SLC4A10: variants seen among roughly 807,000 people sequenced by gnomAD.
SLC4A10 encodes the protein solute carrier family 4 member 10.
Under a neutral mutation model 137.7 loss-of-function variants are expected in SLC4A10, and 42 were observed. That is an observed-to-expected ratio of 0.30 (90% confidence interval 0.24 to 0.39). The LOEUF (loss-of-function observed/expected upper bound fraction) is 0.39. SLC4A10 is among the 10% of genes least tolerant of loss of function. SLC4A10 has a pLI of 1.00. For synonymous variants in SLC4A10, 474 were observed against 464.1 expected, an observed-to-expected ratio of 1.02 and a Z score of -0.27; for missense variants, 925 against 1,355.0, an observed-to-expected ratio of 0.68 and a Z score of 4.98.
chr2:161,780,794 G>A (rs374268595), intron 2 of SLC4A10, among the ~76,000 whole-genome samples: 15 of 151,862 alleles, frequency 9.9e-5, no homozygotes, highest in South Asian at 8.3e-4. Context: ...GCTTGAGCCT[G>A]GATAAAAATA....
rs577412884 is a variant in SLC4A10 at position 161,935,161 on chromosome 2, G to T, written c.1998-7631G>T. 2.0e-4 allele frequency among the ~76,000 whole-genome samples: 31 copies of T among 152,224 alleles called. No homozygotes were observed. In the South Asian group the frequency reaches 6.4e-3, roughly 32 times the overall value. ...AGAGACTGTCCTTTCCCCACTGTGT[G>T]CTCTCAGCATCTTTGTCGAAAATCA... On this transcript the variant is annotated intron_variant, in intron 15 of 26. Transcript: ENST00000446997.
At chr2:161,727,863 C>A (rs75110208) in intron 1 of SLC4A10, among the ~76,000 whole-genome samples, 3 of 151,794 alleles carry the variant, frequency 2.0e-5, no homozygotes, top group Non-Finnish European at 4.4e-5. Flanking sequence ...ACAAAAGGAC[C>A]GGTGTATGAT....
chr2:161,705,475 G>A lies in SLC4A10; in HGVS notation c.49-65498G>A, dbSNP rs2043557096. Among the ~76,000 whole-genome samples, 4 of 151,564 alleles carry A rather than the reference G, an allele frequency of 2.6e-5. No individual in the cohort carries two copies. In the Admixed American group the frequency reaches 2.6e-4, roughly 10 times the overall value. ...CTTTTATTATTTGAGATGTTCTTAT[G>A]TGCAGCAAGTCATCAAATAAATAGA... On this transcript the variant is annotated intron_variant, in intron 1 of 26. Transcript: ENST00000446997.
chr2:161,871,327 A>G (rs2061105257), intron 6 of SLC4A10, among the ~76,000 whole-genome samples: 1 of 151,826 alleles, frequency 6.6e-6, no homozygotes, highest in Non-Finnish European at 1.5e-5. Flanking sequence ...TAAAAGCAGT[A>G]TTTTGAGTCA....
At chr2:161,821,142 C>A (rs923103417) in intron 3 of SLC4A10, among the ~76,000 whole-genome samples, 3 of 152,052 alleles carry the variant, frequency 2.0e-5, no homozygotes, top group African/African-American at 7.2e-5. Flanking sequence ...TGTAGAAGTT[C>A]TTTACATGTT....
At position 161,914,612 on chromosome 2, in the gene SLC4A10, T is replaced by C. The variant is rs143233544; in HGVS notation, c.1997+8725T>C. Among the ~76,000 whole-genome samples, 61 of 152,252 alleles carry C rather than the reference T, an allele frequency of 4.0e-4. 1 individual carries two copies. The East Asian group carries it at 0.012, about 29-fold the overall frequency. ...GGCTAATTTTATCTCTTCCCCAAAT[T>C]TTGCATTTTGATATCTAAATGAATG... is the stretch of plus-strand genomic sequence containing the variant. On this transcript the variant is annotated intron_variant, in intron 15 of 26. Transcript: ENST00000446997.
chr2:161,972,488 T>C (rs1698719218), intron 23 of SLC4A10, among the ~76,000 whole-genome samples: 1 of 152,158 alleles, frequency 6.6e-6, no homozygotes, highest in South Asian at 2.1e-4. Context: ...AATGGTAATC[T>C]CCATTCACCT....
intron 1 of SLC4A10, among the ~76,000 whole-genome samples, chr2:161,693,095 G>C (rs2042161165): frequency 6.6e-6 from 1 of 152,024 alleles, no homozygotes; most frequent in African/African-American, 2.4e-5. Flanking sequence ...AAAAAGGCAA[G>C]TTCGAGTGTA....
At chr2:161,782,341 T>C (rs1028065254) in intron 2 of SLC4A10, among the ~76,000 whole-genome samples, 2 of 152,004 alleles carry the variant, frequency 1.3e-5, no homozygotes, top group East Asian at 3.9e-4. Context: ...TTTAAGAAGC[T>C]TTAGAATCTC....
At chr2:161,781,956 T>C (rs1430443104) in intron 2 of SLC4A10, among the ~76,000 whole-genome samples, 1 of 152,034 alleles carries the variant, frequency 6.6e-6, no homozygotes, top group Non-Finnish European at 1.5e-5. Flanking sequence ...GGTTTGTGCA[T>C]CCAATACCCC....
At chr2:161,722,979 T>C (rs572120497) in intron 1 of SLC4A10, among the ~76,000 whole-genome samples, 67 of 152,320 alleles carry the variant, frequency 4.4e-4, no homozygotes, top group African/African-American at 1.6e-3. Context: ...TGGACTGCAC[T>C]GTAGGGAATT....
chr2:161,869,313 C>T (rs2060964032), intron 6 of SLC4A10, among the ~76,000 whole-genome samples: 1 of 151,542 alleles, frequency 6.6e-6, no homozygotes, highest in East Asian at 1.9e-4. Context: ...AATAGTATTT[C>T]AGTTAATGAA....
At chr2:161,840,936 C>A (rs1313120405) in intron 4 of SLC4A10, among the ~76,000 whole-genome samples, 1 of 152,074 alleles carries the variant, frequency 6.6e-6, no homozygotes, top group African/African-American at 2.4e-5. Flanking sequence ...GGGTAGCTTC[C>A]CTGGAGGAGG....
chr2:161,648,875 A>C (rs2036424223), intron 1 of SLC4A10, among the ~76,000 whole-genome samples: 1 of 152,134 alleles, frequency 6.6e-6, no homozygotes, highest in South Asian at 2.1e-4. Context: ...CATTTAGGTC[A>C]GTTGTTTTTT....
intron 5 of SLC4A10, among the ~76,000 whole-genome samples, chr2:161,857,567 A>C (rs982774515): frequency 6.6e-6 from 1 of 152,154 alleles, no homozygotes; most frequent in Non-Finnish European, 1.5e-5. Context: ...CTAAATTTAA[A>C]AGTTACTTAT....
intron 1 of SLC4A10, among the ~76,000 whole-genome samples, chr2:161,715,419 G>A (rs1303192711): frequency 6.6e-6 from 1 of 152,016 alleles, no homozygotes; most frequent in African/African-American, 2.4e-5. Flanking sequence ...GTGCCAAGGT[G>A]GTTTGCTGCA....
At chr2:161,719,634 G>A in intron 1 of SLC4A10, among the ~76,000 whole-genome samples, 2 of 152,234 alleles carry the variant, frequency 1.3e-5, no homozygotes, top group South Asian at 4.1e-4. Flanking sequence ...GTTTTGATTT[G>A]CATTTCTCTG....
At chr2:161,935,282 C>T (rs893330954) in intron 15 of SLC4A10, among the ~76,000 whole-genome samples, 5 of 152,120 alleles carry the variant, frequency 3.3e-5, no homozygotes, top group Admixed American at 1.3e-4. Flanking sequence ...CCTTGTAATA[C>T]AGCTTTGTGG....
At chr2:161,735,366 A>G (rs11891026) in intron 1 of SLC4A10, among the ~76,000 whole-genome samples, 33,371 of 151,736 alleles carry the variant, frequency 0.22, 4,316 homozygotes, top group African/African-American at 0.37. Context: ...AATAAATGTC[A>G]AAGTACATAA....
Sources: gnomAD v4.1 joint callset for allele counts (sites outside exome capture counted in the v4.1 genomes callset) on GRCh38, gnomAD v4.1.1 for gene constraint, MANE v1.5 for transcripts, NCBI Gene and HGNC (gene_info 2026-07-23, HGNC 2026-07-21) for gene names.